TMTC2: variants seen among roughly 807,000 people sequenced by gnomAD.
The protein encoded by TMTC2 is transmembrane O-mannosyltransferase targeting cadherins 2.
In TMTC2, 43 loss-of-function variants were observed where a neutral mutation model predicts 82.4. That is an observed-to-expected ratio of 0.52 (90% CI 0.41 to 0.67). The LOEUF is 0.67. TMTC2 is among the 30% of genes least tolerant of loss of function. The pLI is 0.00. For missense variants in TMTC2, 919 were observed against 1,012.4 expected (o/e 0.91, Z 1.25); for synonymous variants, 408 against 381.9 (o/e 1.07, Z -0.80).
At chr12:82,804,894 T>G (rs1420225453) in intron 1 of TMTC2, among the ~76,000 whole-genome samples, 1 of 152,168 alleles carries the variant, frequency 6.6e-6, no homozygotes, top group Non-Finnish European at 1.5e-5. Context: ...GAAATGCTTG[T>G]TCCCTGGTGC....
intron 1 of TMTC2, among the ~76,000 whole-genome samples, chr12:82,767,686 C>T (rs576490335): frequency 3.3e-5 from 5 of 152,286 alleles, no homozygotes; most frequent in South Asian, 2.1e-4. Context: ...CTACTCCATA[C>T]GTAGCTTTTC....
intron 8 of TMTC2, among the ~76,000 whole-genome samples, chr12:83,029,304 A>G (rs1279360965): frequency 6.6e-6 from 1 of 152,104 alleles, no homozygotes; most frequent in Admixed American, 6.6e-5. Flanking sequence ...TTAAAACATT[A>G]TGACAGTTAT....
At chr12:82,958,775 A>C (rs1877756836) in intron 4 of TMTC2, among the ~76,000 whole-genome samples, 1 of 152,038 alleles carries the variant, frequency 6.6e-6, no homozygotes, top group African/African-American at 2.4e-5. Flanking sequence ...CTGGAATAAG[A>C]AAAGATGCCG....
intron 1 of TMTC2, among the ~76,000 whole-genome samples, chr12:82,719,295 T>TAGTAGAGA (rs1874076941): frequency 6.6e-6 from 1 of 151,584 alleles, no homozygotes; most frequent in Non-Finnish European, 1.5e-5. Flanking sequence ...GGTTTCACCA[T>TAGTAGAGA]CTTGGCCAGG....
At chr12:82,817,475 T>C (rs1868810645) in intron 1 of TMTC2, among the ~76,000 whole-genome samples, 1 of 152,150 alleles carries the variant, frequency 6.6e-6, no homozygotes, top group Non-Finnish European at 1.5e-5. Flanking sequence ...AATTCTTGAA[T>C]GTGTTTCTGT....
At chr12:82,834,882 TTA>T (rs1869942779) in intron 1 of TMTC2, among the ~76,000 whole-genome samples, 2 of 131,846 alleles carry the variant, frequency 1.5e-5, no homozygotes, top group African/African-American at 8.8e-5. Flanking sequence ...CATCATTTTA[TTA>T]TTTTTTTTTT....
At chr12:82,692,328 G>A (rs890773843) in intron 1 of TMTC2, among the ~76,000 whole-genome samples, 1 of 152,148 alleles carries the variant, frequency 6.6e-6, no homozygotes, top group East Asian at 1.9e-4. Flanking sequence ...TGTTAATACT[G>A]AATTCTCTTC....
intron 7 of TMTC2, among the ~76,000 whole-genome samples, chr12:82,982,215 G>C (rs975295505): frequency 4.0e-5 from 6 of 151,744 alleles, no homozygotes; most frequent in African/African-American, 1.2e-4. Flanking sequence ...ATCATTTTTG[G>C]ATAGGATTAT....
At chr12:82,929,353 A>G (rs1386713974) in intron 3 of TMTC2, among the ~76,000 whole-genome samples, 1 of 152,092 alleles carries the variant, frequency 6.6e-6, no homozygotes, top group Non-Finnish European at 1.5e-5. Context: ...CATTGTGCCC[A>G]GCCTCAGACA....
chr12:82,692,310 G>A (rs1168381035), intron 1 of TMTC2, among the ~76,000 whole-genome samples: 1 of 152,106 alleles, frequency 6.6e-6, no homozygotes, highest in Admixed American at 6.5e-5. Flanking sequence ...GTGCTAATGT[G>A]CCCCTGTTGT....
chr12:82,920,543 A>G (rs1875327261), intron 3 of TMTC2, among the ~76,000 whole-genome samples: 1 of 152,230 alleles, frequency 6.6e-6, no homozygotes, highest in Non-Finnish European at 1.5e-5. Context: ...CAAGTTTCTT[A>G]GTAAATGGAT....
chr12:83,112,321 G>A (rs374196022), intron 11 of TMTC2, among the ~76,000 whole-genome samples: 6 of 152,014 alleles, frequency 3.9e-5, no homozygotes, highest in African/African-American at 7.2e-5. Flanking sequence ...GTGCATCCCC[G>A]CATCTCTGCT....
At chr12:82,759,294 C>G (rs549382840) in intron 1 of TMTC2, 2 of 152,236 alleles carry the variant, frequency 1.3e-5, no homozygotes, top group Non-Finnish European at 2.9e-5. Flanking sequence ...TGCCCAATAC[C>G]TGCACATGCT....
At chr12:83,123,770 T>C (rs769351606) in intron 11 of TMTC2, among the ~76,000 whole-genome samples, 4 of 152,196 alleles carry the variant, frequency 2.6e-5, no homozygotes, top group Admixed American at 6.5e-5. Flanking sequence ...AAGTACCAAA[T>C]TGATTTTGAT....
At chr12:83,111,504 C>T (rs905209767) in intron 11 of TMTC2, among the ~76,000 whole-genome samples, 5 of 152,182 alleles carry the variant, frequency 3.3e-5, no homozygotes, top group Non-Finnish European at 1.5e-5. Context: ...AGGGTTTTCA[C>T]TCAAAAGGGT....
At chr12:83,100,609 A>G (rs763122815) in intron 11 of TMTC2, among the ~76,000 whole-genome samples, 1 of 152,206 alleles carries the variant, frequency 6.6e-6, no homozygotes, top group Non-Finnish European at 1.5e-5. Context: ...TAATAAGTTT[A>G]TCAATATCCT....
intron 11 of TMTC2, among the ~76,000 whole-genome samples, chr12:83,092,729 ATGTTTTATCATT>A (rs1409815582): frequency 6.6e-6 from 1 of 152,202 alleles, no homozygotes; most frequent in Non-Finnish European, 1.5e-5. Flanking sequence ...CTAAAAGGGA[ATGTTTTATCATT>A]TGTCTCTTAT....
chr12:83,103,858 AAAC>A (rs1884309199), intron 11 of TMTC2, among the ~76,000 whole-genome samples: 1 of 152,246 alleles, frequency 6.6e-6, no homozygotes. Context: ...GTAAAATAAA[AAAC>A]AAGCTGGTTA....
intron 9 of TMTC2, among the ~76,000 whole-genome samples, chr12:83,043,404 A>G (rs17010538): frequency 0.059 from 9,032 of 152,200 alleles, 310 homozygotes; most frequent in East Asian, 0.084. Context: ...TCTTGTTACC[A>G]CTAGATGTGA....
Sources: gnomAD v4.1 joint callset for allele counts (sites outside exome capture counted in the v4.1 genomes callset) on GRCh38, gnomAD v4.1.1 for gene constraint, MANE v1.5 for transcripts, NCBI Gene and HGNC (gene_info 2026-07-23, HGNC 2026-07-21) for gene names.